Variants in ZBTB49 observed in about 807,000 individuals in gnomAD.
The protein encoded by ZBTB49 is zinc finger and BTB domain containing 49.
In ZBTB49, 43 loss-of-function variants were observed where a neutral mutation model predicts 57.5. That is an observed-to-expected ratio of 0.75 (90% CI 0.59 to 0.97). The LOEUF is 0.97. Among genes scored for constraint, ZBTB49 ranks in the 50% least tolerant of loss-of-function variants. The pLI, the probability that ZBTB49 is intolerant of heterozygous loss-of-function variation, is 0.00. For missense variants in ZBTB49, 938 were observed against 947.7 expected (o/e 0.99, Z 0.13); for synonymous variants, 369 against 362.1 (o/e 1.02, Z -0.22).
At chr4:4,311,484 C>T (rs571631804) in intron 4 of ZBTB49, among the ~76,000 whole-genome samples, 8 of 152,224 alleles carry the variant, frequency 5.3e-5, no homozygotes, top group Non-Finnish European at 1.2e-4. Flanking sequence ...ATTCAAAACA[C>T]ACTATTTCAT....
chr4:4,318,286 AT>A, intron 7 of ZBTB49, among the ~76,000 whole-genome samples: 1 of 152,230 alleles, frequency 6.6e-6, no homozygotes, highest in Middle Eastern at 3.2e-3. Flanking sequence ...TAATTCAACT[AT>A]TGAGAATTTA....
At chr4:4,306,291 G>A (rs1007325695) in intron 4 of ZBTB49, 107 bp downstream of exon 4, 1 of 900,816 alleles carries the variant, frequency 1.1e-6, no homozygotes, top group Admixed American at 2.3e-5. Context: ...CTCTAATGAT[G>A]TCTGTAACTT....
intron 3 of ZBTB49, among the ~76,000 whole-genome samples, chr4:4,303,827 A>G (rs1254128280): frequency 6.6e-6 from 1 of 151,146 alleles, no homozygotes; most frequent in African/African-American, 2.4e-5. Flanking sequence ...TATACAATAC[A>G]TATATATTAC....
chr4:4,300,053 TA>T lies in ZBTB49; in HGVS notation c.111del (p.Ala38ArgfsTer38), dbSNP rs763138884. On this transcript the variant is annotated frameshift_variant, in exon 2 of 8. Coordinates refer to ENST00000337872, the MANE Select transcript of ZBTB49 (RefSeq NM_145291.4). LOFTEE classifies it high-confidence loss of function. ...TGTTGGTGGTAAAAGGAGTCTGCTT[TA>T]AAGCGCATAAGAATGTCCTGGCAGC... The part of the protein sequence containing the change: ...CMLVVKGVCF[K>X]AHKNVLAAFS... The T allele has an allele frequency of 6.2e-7, 1 of 1,614,196 alleles. No individual in the cohort carries two copies. The highest frequency in any genetic ancestry group is 1.7e-5 in the Admixed American group (1 of 60,022).
In ZBTB49 at chr4:4,309,552, A is replaced by G. The variant is rs536905962; in HGVS notation, c.1302+3368A>G. On this transcript the variant is annotated intron_variant, in intron 4 of 7. Coordinates refer to ENST00000337872, the MANE Select transcript of ZBTB49 (RefSeq NM_145291.4). The stretch of plus-strand genomic sequence containing the variant: ...TAGGATTGCTTTTGTTCCTCCAAGT[A>G]GGCAGAAACAGAAACACTGGGCAGC... Among the ~76,000 whole-genome samples the G allele has an allele frequency of 1.3e-3, 196 of 152,342 alleles. 1 individual carries two copies. Among genetic ancestry groups the G allele is most frequent in the African/African-American group, 4.5e-3 (189 of 41,580 alleles).
rs71169632 is a variant in ZBTB49, at chr4:4,299,810, T to TGTGTGTGTGTGTGTGTGTGA, written c.-19-116_-19-115insTGTGTGTGTGTGTGTGTGAG. 6.6e-6 allele frequency: 4 copies of TGTGTGTGTGTGTGTGTGTGA among 607,802 alleles called. No individual in the cohort carries two copies. In the East Asian group the frequency reaches 1.7e-4, roughly 26 times the overall value. 37.7% of individuals were successfully genotyped at this position (607,802 alleles called of 1,614,324 possible). On this transcript the variant is annotated intron_variant, in intron 1 of 7. Coordinates refer to ENST00000337872, the MANE Select transcript of ZBTB49 (RefSeq NM_145291.4). ...GTGTGTGTGTGTGTGTGTGTGTGTGTGAGAGAGAAACTGTGATGAGAGAGT... is the reference window on the plus strand; with the variant it reads ...GTGTGTGTGTGTGTGTGTGTGTGTGTGTGTGTGTGTGTGTGTGTGAGAGAGAGAAACTGTGATGAGAGAGT...
chr4:4,293,422 TCAAAGGAAA>T (rs1046682764), intron 1 of ZBTB49, among the ~76,000 whole-genome samples: 1 of 152,212 alleles, frequency 6.6e-6, no homozygotes, highest in African/African-American at 2.4e-5. Context: ...CTGATTCCGA[TCAAAGGAAA>T]CAGTGGTTAT....
intron 2 of ZBTB49, 70 bp from the exon 3 acceptor site, chr4:4,301,919 G>A: frequency 7.4e-7 from 1 of 1,342,786 alleles, no homozygotes; most frequent in South Asian, 2.1e-5. Context: ...ATTAATATAT[G>A]AATGTTATTT....
chr4:4,304,294 C>T (rs1199613028), intron 3 of ZBTB49, among the ~76,000 whole-genome samples: 1 of 150,644 alleles, frequency 6.6e-6, no homozygotes. Flanking sequence ...GGCACAATCT[C>T]GGCTCACTGC....
Position 4,301,993 on chromosome 4 carries a change from C to G in ZBTB49, c.157C>G (p.Leu53Val), listed in dbSNP as rs2108877529. 6.6e-7 allele frequency: 1 copy of G among 1,523,060 alleles called. No homozygotes were observed. The highest frequency in any genetic ancestry group is 2.3e-5 in the East Asian group (1 of 43,532). 94.3% of individuals were successfully genotyped at this position (1,523,060 alleles called of 1,614,324 possible). The change falls in exon 3 of 8, where the codon CTC becomes GTC. Residue 53 changes from leucine to valine, a missense_variant. Around this residue, in one of 3 missense-constraint regions of ZBTB49, gnomAD observed 100 missense variants for 112.5 expected, o/e 0.89. Transcript: ENST00000337872. ...LAAFSQYFRSLFQNSSSQKND... is the reference protein window; with the variant it reads ...LAAFSQYFRSVFQNSSSQKND... ...AGATATTCTTTCTTTTACCAGGAGC[C>G]TCTTTCAGAATTCTTCAAGCCAGAA...
chr4:4,307,621 C>T (rs746556630), intron 4 of ZBTB49, among the ~76,000 whole-genome samples: 9 of 152,174 alleles, frequency 5.9e-5, no homozygotes, highest in Non-Finnish European at 1.0e-4. Context: ...TGTTGCCATC[C>T]GCTTTCTCCT....
chr4:4,321,448 A>G lies in ZBTB49; in HGVS notation c.*132A>G. On this transcript the variant is annotated 3_prime_UTR_variant, in exon 8 of 8. Transcript: ENST00000337872. ...AGAATAGGTAGCTTCCCTCCTGATG[A>G]TGGCTCATAATCTGAAGCATCTTGA... 3 of 959,162 alleles carry G rather than the reference A, an allele frequency of 3.1e-6. No homozygotes were observed. Among genetic ancestry groups the G allele is most frequent in the Non-Finnish European group, 4.6e-6 (3 of 649,274 alleles). The allele number at this position is 959,162 out of a possible 1,614,324, so 59.4% of individuals were successfully genotyped here. A position where few individuals can be genotyped will look rare whatever the true frequency, so the allele number is the denominator to read the frequency against.
At position 4,299,787 on chromosome 4, in the gene ZBTB49, G is replaced by T. The variant is rs368026469; in HGVS notation, c.-19-140G>T. 816 of 673,562 alleles carry T rather than the reference G, an allele frequency of 1.2e-3. 4 individuals are homozygous for T. Among genetic ancestry groups the T allele is most frequent in the East Asian group, 9.1e-3 (322 of 35,486 alleles). 41.7% of individuals were successfully genotyped at this position (673,562 alleles called of 1,614,324 possible). ...GCCTCAGAAACAGAGGTGTGTGTGT[G>T]TGTGTGTGTGTGTGTGTGTGTGTGA... On this transcript the variant is annotated intron_variant, in intron 1 of 7. Transcript: ENST00000337872.
intron 1 of ZBTB49, among the ~76,000 whole-genome samples, chr4:4,290,625 T>C (rs920685): frequency 0.84 from 127,898 of 152,252 alleles, 53,807 homozygotes; most frequent in Admixed American, 0.85. Flanking sequence ...TGGTGCAGCT[T>C]CCTCGGCCTG....
Position 4,299,105 on chromosome 4 carries a change from G to A in ZBTB49, c.-19-822G>A, listed in dbSNP as rs538529871. Reference sequence around the variant, plus strand: ...AGAGTCAGGGTTCATAACAAGTCCCGCAGGCCTGGGCATGACCTGACCCTC... The same window carrying A: ...AGAGTCAGGGTTCATAACAAGTCCCACAGGCCTGGGCATGACCTGACCCTC... On this transcript the variant is annotated intron_variant, in intron 1 of 7. Transcript: ENST00000337872. Among the ~76,000 whole-genome samples, 3 of 152,254 alleles carry A rather than the reference G, an allele frequency of 2.0e-5. No individual in the cohort carries two copies. In the South Asian group the frequency reaches 6.2e-4, roughly 32 times the overall value.
intron 4 of ZBTB49, among the ~76,000 whole-genome samples, chr4:4,310,978 G>A (rs1176200179): frequency 6.6e-6 from 1 of 152,096 alleles, no homozygotes; most frequent in African/African-American, 2.4e-5. Flanking sequence ...TGTGTAACCT[G>A]GAATAAATTA....
chr4:4,292,406 G>A (rs1719988593), intron 1 of ZBTB49, among the ~76,000 whole-genome samples: 1 of 152,180 alleles, frequency 6.6e-6, no homozygotes, highest in Non-Finnish European at 1.5e-5. Flanking sequence ...AGTGCCTAGC[G>A]CATAATGGGC....
intron 4 of ZBTB49, among the ~76,000 whole-genome samples, chr4:4,311,213 C>T (rs943091347): frequency 6.6e-6 from 1 of 152,126 alleles, no homozygotes; most frequent in Non-Finnish European, 1.5e-5. Context: ...AACAAGTAAT[C>T]GTTATGCCAT....
intron 4 of ZBTB49, among the ~76,000 whole-genome samples, chr4:4,308,440 A>G (rs890752727): frequency 6.6e-6 from 1 of 152,146 alleles, no homozygotes; most frequent in African/African-American, 2.4e-5. Context: ...AACCACCACT[A>G]TAGCTCTTGA....
Sources: allele counts gnomAD v4.1 joint callset (sites outside exome capture counted in the v4.1 genomes callset), GRCh38; gene constraint gnomAD v4.1.1; regional missense constraint gnomAD v4.1.1; transcripts MANE v1.5; gene names NCBI Gene and HGNC (gene_info 2026-07-23, HGNC 2026-07-21).